Variants in PHF20 observed in about 807,000 individuals in gnomAD.
PHF20 encodes the protein glioma-expressed antigen 2.
Under a neutral mutation model 113.5 loss-of-function variants are expected in PHF20, and 23 were observed. The observed-to-expected ratio is 0.20, with a 90% CI of 0.15 to 0.29. The LOEUF (loss-of-function observed/expected upper bound fraction) is 0.29. Among genes scored for constraint, PHF20 ranks in the 10% least tolerant of loss-of-function variants. The pLI is 1.00. For synonymous variants in PHF20, 434 were observed against 457.3 expected (o/e 0.95, Z 0.65); for missense variants, 943 against 1,219.6 (o/e 0.77, Z 3.38).
chr20:35,787,511 CAG>C (rs901658977), intron 1 of PHF20, among the ~76,000 whole-genome samples: 10 of 146,802 alleles, frequency 6.8e-5, no homozygotes, highest in African/African-American at 2.3e-4. Flanking sequence ...CTTTTTGAGA[CAG>C]AGTTTCGCTC....
At chr20:35,866,377 T>C (rs1426424755) in intron 6 of PHF20, among the ~76,000 whole-genome samples, 1 of 152,108 alleles carries the variant, frequency 6.6e-6, no homozygotes, top group South Asian at 2.1e-4. Flanking sequence ...TTGACCTTAG[T>C]GCATTGAGAA....
At chr20:35,846,475 AT>A (rs1446532908) in intron 3 of PHF20, among the ~76,000 whole-genome samples, 1 of 152,160 alleles carries the variant, frequency 6.6e-6, no homozygotes, top group Non-Finnish European at 1.5e-5. Context: ...ATTGTACAAA[AT>A]TTATCAGTGC....
intron 14 of PHF20, 118 bp from the exon 15 acceptor site, chr20:35,931,131 C>G: frequency 1.4e-6 from 1 of 702,112 alleles, no homozygotes; most frequent in South Asian, 1.9e-5. Flanking sequence ...AATAAATGAA[C>G]AAAATGAGTA....
At chr20:35,925,976 G>A (rs1361204049) in intron 13 of PHF20, among the ~76,000 whole-genome samples, 1 of 151,314 alleles carries the variant, frequency 6.6e-6, no homozygotes, top group Admixed American at 6.6e-5. Flanking sequence ...CAAAAAATTA[G>A]CTGGGCATGG....
intron 2 of PHF20, among the ~76,000 whole-genome samples, chr20:35,830,491 C>A (rs1425799091): frequency 2.0e-5 from 3 of 152,172 alleles, no homozygotes; most frequent in Non-Finnish European, 2.9e-5. Flanking sequence ...CACATTTTAT[C>A]TATTCATGTA....
At chr20:35,906,293 T>C (rs2055199529) in intron 10 of PHF20, among the ~76,000 whole-genome samples, 1 of 152,190 alleles carries the variant, frequency 6.6e-6, no homozygotes, top group African/African-American at 2.4e-5. Context: ...AGTGTGAGCT[T>C]AATTAGAATA....
intron 2 of PHF20, among the ~76,000 whole-genome samples, chr20:35,831,113 T>C (rs1174918548): frequency 6.6e-6 from 1 of 152,016 alleles, no homozygotes; most frequent in African/African-American, 2.4e-5. Flanking sequence ...ACTAAAGTTA[T>C]TTCTTTCTTC....
At chr20:35,913,140 A>T in intron 10 of PHF20, 109 bp from the exon 11 acceptor site, 6 of 686,634 alleles carry the variant, frequency 8.7e-6, no homozygotes, top group South Asian at 4.6e-5. Flanking sequence ...TCTGCTCCAG[A>T]CTTCCCAGGC....
chr20:35,786,569 G>A (rs2041421838), intron 1 of PHF20, among the ~76,000 whole-genome samples: 1 of 151,978 alleles, frequency 6.6e-6, no homozygotes, highest in African/African-American at 2.4e-5. Flanking sequence ...CAGTTTGGTG[G>A]TGCACGCCTG....
At chr20:35,855,842 G>A (rs528590889) in intron 4 of PHF20, among the ~76,000 whole-genome samples, 5 of 151,790 alleles carry the variant, frequency 3.3e-5, no homozygotes, top group Non-Finnish European at 7.4e-5. Context: ...CCTGGCTAAT[G>A]TTTTTTGCAT....
In PHF20 at chr20:35,938,869, C is replaced by T. The variant is rs755630412; in HGVS notation, c.2473C>T (p.Pro825Ser). Residue 825 changes from proline to serine, a missense_variant, in exon 16 of 18, where the codon CCC (proline) becomes TCC (serine). By Grantham distance (74) the Pro-to-Ser change is moderately conservative (BLOSUM62 -1). Coordinates refer to ENST00000374012, the MANE Select transcript of PHF20 (RefSeq NM_016436.5). ...AVEKPRPLAL[P>S]LPRSVEESYI... ...GGAGAAGCCCAGGCCCCTGGCCCTG[C>T]CCCTGCCGCGTTCTGTGGAGGAATC... 1.9e-5 allele frequency: 31 copies of T among 1,614,056 alleles called. No individual in the cohort carries two copies. Among genetic ancestry groups the T allele is most frequent in the Non-Finnish European group, 2.3e-5 (27 of 1,180,000 alleles).
intron 2 of PHF20, among the ~76,000 whole-genome samples, chr20:35,837,879 T>C (rs2042469766): frequency 6.6e-6 from 1 of 152,216 alleles, no homozygotes; most frequent in African/African-American, 2.4e-5. Context: ...CTCCCTCTTC[T>C]CTGAAATGTA....
At chr20:35,854,475 C>T (rs139597693) in intron 4 of PHF20, among the ~76,000 whole-genome samples, 351 of 152,244 alleles carry the variant, frequency 2.3e-3, no homozygotes, top group African/African-American at 4.2e-3. Flanking sequence ...TAGCTACCTA[C>T]GGGAGGATTC....
chr20:35,855,839 A>T (rs1172448760), intron 4 of PHF20, among the ~76,000 whole-genome samples: 1 of 151,748 alleles, frequency 6.6e-6, no homozygotes, highest in Admixed American at 6.6e-5. Flanking sequence ...ATACCTGGCT[A>T]ATGTTTTTTG....
At chr20:35,928,872 C>T (rs1192203129) in intron 14 of PHF20, among the ~76,000 whole-genome samples, 1 of 152,006 alleles carries the variant, frequency 6.6e-6, no homozygotes, top group African/African-American at 2.4e-5. Context: ...CTGTTGCCAC[C>T]CTGAGCAGTG....
chr20:35,849,949 G>A (rs1001396990), intron 4 of PHF20, among the ~76,000 whole-genome samples: 2 of 152,200 alleles, frequency 1.3e-5, no homozygotes, highest in Non-Finnish European at 2.9e-5. Context: ...GGGGACTGTA[G>A]CCAGAGTGTG....
intron 5 of PHF20, 120 bp from the exon 6 acceptor site, chr20:35,862,893 G>A (rs1242770964): frequency 1.5e-5 from 14 of 932,682 alleles, no homozygotes; most frequent in Middle Eastern, 3.5e-4. Flanking sequence ...CTTTGTATAT[G>A]TGATCTGGCG....
In PHF20 at chr20:35,869,399, TTATG is replaced by T. The variant is rs765912759; in HGVS notation, c.809-35_809-32del. The T allele has an allele frequency of 9.7e-6, 10 of 1,031,078 alleles. No individual in the cohort carries two copies. In the South Asian group the frequency reaches 1.1e-4, roughly 12 times the overall value. The allele number at this position is 1,031,078 out of a possible 1,614,324, so 63.9% of individuals were successfully genotyped here. A position where few individuals can be genotyped will look rare whatever the true frequency, so the allele number is the denominator to read the frequency against. ...TATAAAAATGACAGACACTAAGAAA[TTATG>T]TATCTTTTTTTGTGTGGTTTTATAA... On this transcript the variant is annotated intron_variant, in intron 6 of 17. Coordinates refer to ENST00000374012, the MANE Select transcript of PHF20 (RefSeq NM_016436.5).
At chr20:35,874,289 A>G (rs2054478607) in intron 9 of PHF20, among the ~76,000 whole-genome samples, 1 of 152,220 alleles carries the variant, frequency 6.6e-6, no homozygotes. Context: ...TATAAATTTC[A>G]TAATGTAGTA....
Sources: allele counts gnomAD v4.1 joint callset (sites outside exome capture counted in the v4.1 genomes callset), GRCh38; gene constraint gnomAD v4.1.1; transcripts MANE v1.5; gene names NCBI Gene and HGNC (gene_info 2026-07-23, HGNC 2026-07-21).